Variants in LIN7A observed in about 807,000 individuals in gnomAD.
The protein encoded by LIN7A is lin-7 cell polarity scaffold A.
In LIN7A, 25 loss-of-function variants were observed where a neutral mutation model predicts 29.8. That is an observed-to-expected ratio of 0.84 (90% confidence interval 0.61 to 1.17). The LOEUF (loss-of-function observed/expected upper bound fraction) is 1.17. LIN7A is among the 50% of genes most tolerant of loss of function. The pLI, the probability that LIN7A is intolerant of heterozygous loss-of-function variation, is 0.00. For synonymous variants in LIN7A, 118 were observed against 107.5 expected (o/e 1.10, Z -0.60); for missense variants, 239 against 287.0 (o/e 0.83, Z 1.21).
intron 1 of LIN7A, among the ~76,000 whole-genome samples, chr12:80,921,587 C>T (rs1452657825): frequency 6.6e-6 from 1 of 151,524 alleles, no homozygotes; most frequent in Non-Finnish European, 1.5e-5. Context: ...CTCTGCTCTC[C>T]TCTTCTTAGA....
In LIN7A at chr12:80,937,703, G is replaced by A; in HGVS notation, c.20C>T (p.Thr7Ile). MLKPSV[T>I]SAPTADMATL... ...CGCCATGTCTGCCGTGGGAGCCGAA[G>A]TGACGCTCGGCTTCAGCATCAGCAA... The change falls in exon 1 of 6, where the codon ACT becomes ATT. Residue 7 changes from threonine to isoleucine, a missense_variant. Physicochemically the swap from Thr to Ile is moderately conservative, Grantham distance 89 (BLOSUM62 -1). Coordinates refer to ENST00000552864, the MANE Select transcript of LIN7A (RefSeq NM_004664.4). 1 of 1,539,438 alleles carries A rather than the reference G, an allele frequency of 6.5e-7. No individual in the cohort carries two copies. The highest frequency in any genetic ancestry group is 1.8e-5 in the Admixed American group (1 of 55,366).
chr12:80,937,832 G>T lies in LIN7A; in HGVS notation c.-110C>A. On this transcript the variant is annotated 5_prime_UTR_variant, in exon 1 of 6. Coordinates refer to ENST00000552864, the MANE Select transcript of LIN7A (RefSeq NM_004664.4). ...AAGGAAGGAAGGTGGTGGTGGTGGAGAAGAAAGCTTGGGTGGGTTGGTAGC... is the reference window on the plus strand; with the variant it reads ...AAGGAAGGAAGGTGGTGGTGGTGGATAAGAAAGCTTGGGTGGGTTGGTAGC... The T allele has an allele frequency of 1.2e-6, 1 of 823,524 alleles. No individual in the cohort carries two copies. Among genetic ancestry groups the T allele is most frequent in the Non-Finnish European group, 1.7e-6 (1 of 574,992 alleles). The allele number at this position is 823,524 out of a possible 1,614,324, so 51.0% of individuals were successfully genotyped here.
chr12:80,811,762 C>T (rs551327526), intron 4 of LIN7A, 79 bp from the exon 5 acceptor site: 127 of 1,505,080 alleles, frequency 8.4e-5, no homozygotes, highest in South Asian at 5.0e-4. Context: ...ATTAATATCA[C>T]ATTAAGAACC....
intron 2 of LIN7A, among the ~76,000 whole-genome samples, chr12:80,849,044 C>T (rs1184540873): frequency 1.3e-5 from 2 of 152,108 alleles, no homozygotes; most frequent in East Asian, 1.9e-4. Context: ...GTTGAATCTC[C>T]ACTAACGCTG....
At chr12:80,905,389 T>C (rs1243704564) in intron 1 of LIN7A, among the ~76,000 whole-genome samples, 1 of 152,144 alleles carries the variant, frequency 6.6e-6, no homozygotes, top group African/African-American at 2.4e-5. Flanking sequence ...TCAGAGAAAA[T>C]TACCAGTGTT....
intron 4 of LIN7A, among the ~76,000 whole-genome samples, chr12:80,820,594 G>C (rs796760127): frequency 2.7e-4 from 41 of 150,426 alleles, no homozygotes; most frequent in South Asian, 6.3e-4. Context: ...CCAAAAGGGG[G>C]GAAAAGTCCT....
intron 2 of LIN7A, among the ~76,000 whole-genome samples, chr12:80,857,311 A>G (rs1248674213): frequency 6.6e-6 from 1 of 151,906 alleles, no homozygotes; most frequent in Non-Finnish European, 1.5e-5. Context: ...TTCACTAGAG[A>G]AGATCTTGGT....
intron 2 of LIN7A, 27 bp downstream of exon 2, chr12:80,889,224 T>A (rs934034883): frequency 9.2e-6 from 11 of 1,189,814 alleles, no homozygotes; most frequent in Middle Eastern, 1.9e-4. Context: ...ATGGCTGAAT[T>A]TAGTTATTAA....
chr12:80,872,158 C>A (rs904010230), intron 2 of LIN7A, among the ~76,000 whole-genome samples: 1 of 151,910 alleles, frequency 6.6e-6, no homozygotes, highest in Non-Finnish European at 1.5e-5. Context: ...TATTTTTATG[C>A]CATTGTGATT....
At chr12:80,837,550 C>G (rs562189909) in intron 4 of LIN7A, among the ~76,000 whole-genome samples, 1 of 152,196 alleles carries the variant, frequency 6.6e-6, no homozygotes, top group South Asian at 2.1e-4. Context: ...AATAGCACCT[C>G]TAGAGGGAGC....
At chr12:80,893,843 C>T (rs1875749748) in intron 1 of LIN7A, among the ~76,000 whole-genome samples, 1 of 152,168 alleles carries the variant, frequency 6.6e-6, no homozygotes, top group Non-Finnish European at 1.5e-5. Context: ...CTTAAGCCAT[C>T]TAGTGGGTAC....
intron 4 of LIN7A, among the ~76,000 whole-genome samples, chr12:80,830,136 T>C (rs1806970113): frequency 2.6e-5 from 4 of 152,158 alleles, no homozygotes; most frequent in Admixed American, 6.5e-5. Context: ...CCTTGTGATG[T>C]CTCTTTCACC....
intron 4 of LIN7A, among the ~76,000 whole-genome samples, chr12:80,837,843 A>C (rs930633374): frequency 4.0e-5 from 6 of 150,640 alleles, no homozygotes; most frequent in Non-Finnish European, 7.4e-5. Flanking sequence ...CATCATCCTC[A>C]TCATCATCAT....
chr12:80,827,248 G>C (rs944224780), intron 4 of LIN7A, among the ~76,000 whole-genome samples: 6 of 151,964 alleles, frequency 3.9e-5, no homozygotes, highest in African/African-American at 1.4e-4. Flanking sequence ...TTAGCTGGGC[G>C]TGGTGGTGGG....
intron 1 of LIN7A, among the ~76,000 whole-genome samples, chr12:80,929,350 A>T (rs1339557421): frequency 2.0e-5 from 3 of 152,196 alleles, no homozygotes; most frequent in Non-Finnish European, 4.4e-5. Flanking sequence ...CAAGCTAGGA[A>T]TAATTTTAGA....
intron 2 of LIN7A, among the ~76,000 whole-genome samples, chr12:80,880,675 C>T (rs1426530854): frequency 6.6e-6 from 1 of 151,784 alleles, no homozygotes; most frequent in Non-Finnish European, 1.5e-5. Context: ...CATATGTACT[C>T]CATATGTACT....
intron 2 of LIN7A, among the ~76,000 whole-genome samples, chr12:80,853,021 T>C (rs1360083605): frequency 6.6e-6 from 1 of 152,148 alleles, no homozygotes; most frequent in African/African-American, 2.4e-5. Context: ...ACCAAGGAAG[T>C]GTACAGATGT....
chr12:80,891,102 G>A (rs974518631), intron 1 of LIN7A, among the ~76,000 whole-genome samples: 4 of 152,230 alleles, frequency 2.6e-5, no homozygotes, highest in South Asian at 2.1e-4. Flanking sequence ...CGGCAAGTGC[G>A]GTAGATTCTA....
At chr12:80,840,029 ATT>A (rs969200560) in intron 4 of LIN7A, among the ~76,000 whole-genome samples, 1 of 151,868 alleles carries the variant, frequency 6.6e-6, no homozygotes, top group African/African-American at 2.4e-5. Flanking sequence ...AGTATGCCAT[ATT>A]TTTTTTAAGT....
Sources: gnomAD v4.1 joint callset for allele counts (sites outside exome capture counted in the v4.1 genomes callset) on GRCh38, gnomAD v4.1.1 for gene constraint, MANE v1.5 for transcripts, NCBI Gene and HGNC (gene_info 2026-07-23, HGNC 2026-07-21) for gene names.